The following ANK1 variants were observed in gnomAD, a reference collection of about 807,000 sequenced individuals.
ANK1 encodes ankyrin-1.
Under a neutral mutation model 210.4 loss-of-function variants are expected in ANK1, and 51 were observed. The ratio of observed to expected loss-of-function variants is 0.24; its 90% confidence interval spans 0.19 to 0.31. ANK1 has a LOEUF of 0.31. Among genes scored for constraint, ANK1 ranks in the 10% least tolerant of loss-of-function variants. The pLI is 1.00. For missense variants in ANK1, 2,051 were observed against 2,504.4 expected (o/e 0.82, Z 3.86); for synonymous variants, 967 against 1,025.9 (o/e 0.94, Z 1.10).
chr8:41,671,642 G>A lies in ANK1; in HGVS notation c.5096+712C>T, dbSNP rs147427996. On this transcript the variant is annotated intron_variant, in intron 38 of 42. Transcript: ENST00000289734. ...CCTCCCGGCACCCCGATGTCCCTAA[G>A]TGAGCCCTCCCAGCACCCCGATGTC... 2.6e-3 allele frequency among the ~76,000 whole-genome samples: 394 copies of A among 150,086 alleles called. 1 individual carries two copies. The highest frequency in any genetic ancestry group is 4.3e-3 in the Non-Finnish European group (288 of 67,618).
exon 1 of ANK1, chr8:41,896,737 G>A: frequency 5.1e-6 from 1 of 194,274 alleles, no homozygotes; most frequent in Non-Finnish European, 1.0e-5. Flanking sequence ...CCCGGGACGG[G>A]CTCTGGGCAG....
chr8:41,701,721 A>G (rs1822853737), intron 21 of ANK1, 99 bp from the exon 22 acceptor site: 1 of 1,251,566 alleles, frequency 8.0e-7, no homozygotes, highest in East Asian at 2.4e-5. Context: ...GGTTTCCCAC[A>G]AATGAAGAAA....
intron 17 of ANK1, among the ~76,000 whole-genome samples, chr8:41,706,829 C>T (rs474136): frequency 3.3e-5 from 5 of 152,158 alleles, no homozygotes; most frequent in African/African-American, 1.2e-4. Context: ...CTGGGCGCGG[C>T]GGCTCATGCC....
rs529028735 is a variant in ANK1 at position 41,694,333 on chromosome 8, G to A, written c.3328-231C>T. On this transcript the variant is annotated intron_variant, in intron 28 of 42. Coordinates refer to ENST00000289734, the MANE Select transcript of ANK1 (RefSeq NM_000037.4). The surrounding 1 kb of genome is among the most constrained non-coding windows in gnomAD (Gnocchi z 5.7). ...TTTGCTAGCACCACAGTCAACTCCC[G>A]GAGGTCATGCGGTTCCTGCATGCTG... Among the ~76,000 whole-genome samples, 4 of 152,326 alleles carry A rather than the reference G, an allele frequency of 2.6e-5. No individual in the cohort carries two copies. Among genetic ancestry groups the A allele is most frequent in the South Asian group, 2.1e-4 (1 of 4,822 alleles).
chr8:41,765,530 C>T (rs891567478), intron 1 of ANK1, among the ~76,000 whole-genome samples: 34 of 152,192 alleles, frequency 2.2e-4, no homozygotes, highest in African/African-American at 1.4e-4. Context: ...TACAAGCATG[C>T]GCCACTGTGC....
chr8:41,717,460 G>T, intron 12 of ANK1, 144 bp downstream of exon 12: 1 of 815,930 alleles, frequency 1.2e-6, no homozygotes, highest in South Asian at 1.5e-5. Context: ...TCAGTACACA[G>T]GGATGTCCTC....
Position 41,706,239 on chromosome 8 carries a change from G to A in ANK1, c.2001C>T (p.Ser667=), listed in dbSNP as rs772577269. ...CTACCAGATGGAGGGGAGTGAGTCC[G>A]CTCTGCAAAGAAAAAGACGTTCATC... ...KQANGNLGNK[S]GLTPLHLVAQ... Residue 667 remains serine (S), a splice_region_variant and synonymous_variant, in exon 18 of 43, where the codon AGC becomes AGT. Transcript: ENST00000289734. 6.8e-6 allele frequency: 11 copies of A among 1,613,582 alleles called. No individual in the cohort carries two copies. Among genetic ancestry groups the A allele is most frequent in the Middle Eastern group, 3.3e-4 (2 of 6,062 alleles).
chr8:41,784,281 G>A (rs1004621283), intron 1 of ANK1, among the ~76,000 whole-genome samples: 1 of 151,892 alleles, frequency 6.6e-6, no homozygotes, highest in South Asian at 2.1e-4. Flanking sequence ...TCCACTCCTA[G>A]CCTCCTGGTG....
intron 2 of ANK1, among the ~76,000 whole-genome samples, chr8:41,741,219 A>T (rs899550250): frequency 4.6e-5 from 7 of 152,164 alleles, no homozygotes; most frequent in Non-Finnish European, 8.8e-5. Context: ...TTTGCTTCAC[A>T]TGAGGGAAAG....
At chr8:41,701,665 G>A (rs1822837309) in intron 21 of ANK1, 43 bp from the exon 22 acceptor site, 2 of 1,590,652 alleles carry the variant, frequency 1.3e-6, no homozygotes, top group South Asian at 1.1e-5. Flanking sequence ...AACTAGAGCC[G>A]CACACATTTT....
At chr8:41,839,062 G>A (rs1808364987) in intron 1 of ANK1, among the ~76,000 whole-genome samples, 3 of 152,102 alleles carry the variant, frequency 2.0e-5, no homozygotes, top group Admixed American at 2.0e-4. Context: ...GGGTGACAGA[G>A]TGAGACTCCT....
At chr8:41,806,455 C>A (rs1002392814) in intron 1 of ANK1, among the ~76,000 whole-genome samples, 1 of 152,162 alleles carries the variant, frequency 6.6e-6, no homozygotes, top group Non-Finnish European at 1.5e-5. Context: ...TTGTTCATGT[C>A]GGTAATCCCA....
chr8:41,672,695 C>G lies in ANK1; in HGVS notation c.4755G>C (p.Leu1585=), dbSNP rs770783177. The G allele has an allele frequency of 6.2e-7, 1 of 1,613,460 alleles. No homozygotes were observed. Among genetic ancestry groups the G allele is most frequent in the Non-Finnish European group, 8.5e-7 (1 of 1,179,516 alleles). The change falls in exon 38 of 43, where the codon CTG becomes CTC. Residue 1585 remains leucine, a synonymous_variant. Coordinates refer to ENST00000289734, the MANE Select transcript of ANK1 (RefSeq NM_000037.4). Reference sequence around the variant, plus strand: ...CAGAGTCCTCAGCCTTGCTACACTCCAGAGAGGAGTCCTCAGCAGTGACCA... The same window carrying G: ...CAGAGTCCTCAGCCTTGCTACACTCGAGAGAGGAGTCCTCAGCAGTGACCA... ...PSLVTAEDSS[L]ECSKAEDSDA...
chr8:41,723,371 T>C (rs1586462548), intron 8 of ANK1, 148 bp from the exon 9 acceptor site: 1 of 1,147,290 alleles, frequency 8.7e-7, no homozygotes, highest in Non-Finnish European at 1.3e-6. Flanking sequence ...GTTTTACTAT[T>C]GCCTCCCACT....
intron 1 of ANK1, among the ~76,000 whole-genome samples, chr8:41,817,855 G>GA (rs1803578484): frequency 6.6e-6 from 1 of 152,200 alleles, no homozygotes; most frequent in East Asian, 1.9e-4. Flanking sequence ...AGACAAAAAA[G>GA]ATGCAGCCCT....
chr8:41,803,595 A>G (rs1013167676), intron 1 of ANK1: 5 of 151,426 alleles, frequency 3.3e-5, no homozygotes, highest in Admixed American at 2.6e-4. Flanking sequence ...TATCCAATAT[A>G]TTTTTGAACG....
At chr8:41,775,061 CT>C (rs34535090) in intron 1 of ANK1, among the ~76,000 whole-genome samples, 42,339 of 150,320 alleles carry the variant, frequency 0.28, 6,299 homozygotes, top group Non-Finnish European at 0.32. Context: ...AGGGACTCTT[CT>C]TTTTTTTTTC....
At position 41,694,166 on chromosome 8, in the gene ANK1, C is replaced by CAGCT; in HGVS notation, c.3328-68_3328-65dup. 1.3e-6 allele frequency: 2 copies of CAGCT among 1,525,466 alleles called. No individual in the cohort carries two copies. Among genetic ancestry groups the CAGCT allele is most frequent in the Non-Finnish European group, 1.8e-6 (2 of 1,115,856 alleles). 94.5% of individuals were successfully genotyped at this position (1,525,466 alleles called of 1,614,324 possible). On this transcript the variant is annotated intron_variant, in intron 28 of 42. Transcript: ENST00000289734. The surrounding 1 kb of genome is among the most constrained non-coding windows in gnomAD (Gnocchi z 5.7). ...GGAGAGGGGCTAATCAGACGGGAGG[C>CAGCT]AGCTCCATGCCTGGTGAGAGTGGCC...
intron 1 of ANK1, among the ~76,000 whole-genome samples, chr8:41,796,999 A>G (rs117878885): frequency 6.6e-6 from 1 of 152,150 alleles, no homozygotes; most frequent in Non-Finnish European, 1.5e-5. Flanking sequence ...AACATAAATT[A>G]AAAGAACCGA....
Sources: gnomAD v4.1 joint callset for allele counts (sites outside exome capture counted in the v4.1 genomes callset) on GRCh38, gnomAD v4.1.1 for gene constraint, Gnocchi (gnomAD v3.1) non-coding constraint, MANE v1.5 for transcripts, NCBI Gene and HGNC (gene_info 2026-07-23, HGNC 2026-07-21) for gene names.